NELL1: variants seen among roughly 807,000 people sequenced by gnomAD.
NELL1 encodes neural EGFL like 1.
In NELL1, 76 loss-of-function variants were observed where a neutral mutation model predicts 107.4. That is an observed-to-expected ratio of 0.71 (90% CI 0.59 to 0.86). NELL1 has a LOEUF of 0.86. Ranked by LOEUF, NELL1 falls within the 40% of genes least tolerant of loss-of-function variation. The pLI is 0.00. For missense variants in NELL1, 1,024 were observed against 1,005.5 expected (o/e 1.02, Z -0.25); for synonymous variants, 353 against 341.2 (o/e 1.03, Z -0.38).
At chr11:20,897,241 C>A (rs1849761503) in intron 5 of NELL1, among the ~76,000 whole-genome samples, 1 of 151,940 alleles carries the variant, frequency 6.6e-6, no homozygotes, top group African/African-American at 2.4e-5. Context: ...CAGAACAGAG[C>A]CCTCAGAAAT....
Position 21,504,526 on chromosome 11 carries a change from C to A in NELL1, c.1646-29848C>A, listed in dbSNP as rs576070265. Among the ~76,000 whole-genome samples the A allele has an allele frequency of 3.9e-5, 6 of 152,236 alleles. No individual in the cohort carries two copies. The South Asian group carries it at 1.2e-3, about 32-fold the overall frequency. Reference sequence around the variant, plus strand: ...TTTTGTACATAATTGAATAAATTCACAGGGTGCCTTTGTAATTTTGTCTTA... The same window carrying A: ...TTTTGTACATAATTGAATAAATTCAAAGGGTGCCTTTGTAATTTTGTCTTA... On this transcript the variant is annotated intron_variant, in intron 15 of 19. Transcript: ENST00000357134.
intron 12 of NELL1, among the ~76,000 whole-genome samples, chr11:21,026,534 T>C (rs970442546): frequency 2.0e-5 from 3 of 152,118 alleles, no homozygotes; most frequent in African/African-American, 4.8e-5. Flanking sequence ...CATCACTGTC[T>C]AAAATACTAT....
chr11:21,236,471 T>A (rs1858209908), intron 14 of NELL1, among the ~76,000 whole-genome samples: 1 of 152,352 alleles, frequency 6.6e-6, no homozygotes, highest in South Asian at 2.1e-4. Context: ...CAAATTTTTA[T>A]GTATTACATA....
At chr11:21,319,390 A>G (rs1378423151) in intron 14 of NELL1, among the ~76,000 whole-genome samples, 1 of 150,754 alleles carries the variant, frequency 6.6e-6, no homozygotes, top group Non-Finnish European at 1.5e-5. Flanking sequence ...GGTTTTCACC[A>G]TGTTGGCCAG....
intron 12 of NELL1, among the ~76,000 whole-genome samples, chr11:21,063,735 T>C (rs1516751): frequency 0.64 from 97,011 of 152,154 alleles, 31,697 homozygotes; most frequent in East Asian, 0.81. Flanking sequence ...ATGTTTATTG[T>C]GCCGCATTTT....
intron 14 of NELL1, among the ~76,000 whole-genome samples, chr11:21,366,786 C>A (rs1317593191): frequency 6.6e-6 from 1 of 152,110 alleles, no homozygotes; most frequent in Admixed American, 6.6e-5. Context: ...TACCTTCTAA[C>A]AGATGGTGTT....
chr11:20,864,590 A>G (rs1849059760), intron 4 of NELL1, among the ~76,000 whole-genome samples: 2 of 152,180 alleles, frequency 1.3e-5, no homozygotes, highest in Admixed American at 6.5e-5. Context: ...CATCGTCCCA[A>G]TTGGCAGGGG....
intron 2 of NELL1, among the ~76,000 whole-genome samples, chr11:20,748,914 A>ATCCG (rs1479690619): frequency 5.1e-5 from 6 of 117,128 alleles, no homozygotes; most frequent in Admixed American, 1.5e-4. Flanking sequence ...CCAGCCACCC[A>ATCCG]TCCATCCATC....
chr11:20,945,051 G>C (rs964142360), intron 10 of NELL1, among the ~76,000 whole-genome samples: 1 of 152,170 alleles, frequency 6.6e-6, no homozygotes, highest in African/African-American at 2.4e-5. Flanking sequence ...ACCACCTAGA[G>C]ATAATCTTTT....
chr11:20,868,339 A>G (rs936876869), intron 4 of NELL1, among the ~76,000 whole-genome samples: 3 of 152,222 alleles, frequency 2.0e-5, no homozygotes, highest in Non-Finnish European at 4.4e-5. Context: ...GAATAGGAGC[A>G]TTCATAGAGA....
At chr11:21,195,337 C>T (rs887292774) in intron 13 of NELL1, among the ~76,000 whole-genome samples, 1 of 152,088 alleles carries the variant, frequency 6.6e-6, no homozygotes, top group African/African-American at 2.4e-5. Flanking sequence ...AGTTTGGTCT[C>T]AAGTCCTTTC....
chr11:20,860,037 T>C (rs181806832), intron 4 of NELL1, among the ~76,000 whole-genome samples: 2 of 152,312 alleles, frequency 1.3e-5, no homozygotes, highest in African/African-American at 4.8e-5. Flanking sequence ...TTTCCTTCTG[T>C]AGTTTCTCCT....
At chr11:20,737,419 C>T (rs1039864633) in intron 2 of NELL1, among the ~76,000 whole-genome samples, 1 of 152,018 alleles carries the variant, frequency 6.6e-6, no homozygotes, top group Non-Finnish European at 1.5e-5. Context: ...AAAAAAGCAA[C>T]AATTATTATA....
intron 15 of NELL1, among the ~76,000 whole-genome samples, chr11:21,445,937 C>A (rs1590938268): frequency 1.4e-5 from 2 of 138,094 alleles, no homozygotes; most frequent in South Asian, 4.5e-4. Context: ...AACATTCTAC[C>A]CCTATTAATC....
intron 13 of NELL1, among the ~76,000 whole-genome samples, chr11:21,165,197 A>G (rs113083258): frequency 1.9e-3 from 290 of 152,288 alleles, no homozygotes; most frequent in African/African-American, 6.4e-3. Flanking sequence ...TTGACTGCCT[A>G]TGGTATGTCC....
intron 15 of NELL1, among the ~76,000 whole-genome samples, chr11:21,477,512 G>A (rs1231589629): frequency 6.6e-6 from 1 of 152,066 alleles, no homozygotes; most frequent in Non-Finnish European, 1.5e-5. Context: ...GCAAATATAG[G>A]TGCAGTTACC....
intron 14 of NELL1, among the ~76,000 whole-genome samples, chr11:21,302,527 G>T (rs1038535643): frequency 6.6e-6 from 1 of 151,936 alleles, no homozygotes; most frequent in Non-Finnish European, 1.5e-5. Flanking sequence ...CTACATGAAA[G>T]GTGGGCTCAT....
chr11:21,212,501 C>T (rs1340960674), intron 13 of NELL1, among the ~76,000 whole-genome samples: 6 of 152,150 alleles, frequency 3.9e-5, no homozygotes, highest in African/African-American at 1.4e-4. Context: ...CTACTCCAAT[C>T]CTGTGGCAAT....
chr11:21,160,696 AGC>A (rs1856344702), intron 13 of NELL1, among the ~76,000 whole-genome samples: 1 of 152,142 alleles, frequency 6.6e-6, no homozygotes, highest in Non-Finnish European at 1.5e-5. Flanking sequence ...GCAAGTTTTG[AGC>A]AATGGATATT....
Sources: allele counts gnomAD v4.1 joint callset (sites outside exome capture counted in the v4.1 genomes callset), GRCh38; gene constraint gnomAD v4.1.1; transcripts MANE v1.5; gene names NCBI Gene and HGNC (gene_info 2026-07-23, HGNC 2026-07-21).